Variants in EFCAB5 observed in about 807,000 individuals in gnomAD.
The protein encoded by EFCAB5 is EF-hand calcium-binding domain-containing protein 5.
A neutral mutation model predicts 167.9 loss-of-function variants in EFCAB5; 131 were observed. The observed-to-expected ratio is 0.78, with a 90% CI of 0.68 to 0.90. EFCAB5 has a LOEUF of 0.90. Among genes scored for constraint, EFCAB5 ranks in the 40% least tolerant of loss-of-function variants. The probability of loss-of-function intolerance (pLI) is 0.00; values close to 1 mark genes in which losing one functional copy is unlikely to be tolerated. For missense variants in EFCAB5, 1,663 were observed against 1,745.2 expected (o/e 0.95, Z 0.84); for synonymous variants, 574 against 602.8 (o/e 0.95, Z 0.70).
chr17:29,987,001 T>C (rs138262816), intron 4 of EFCAB5, among the ~76,000 whole-genome samples: 13 of 152,216 alleles, frequency 8.5e-5, no homozygotes, highest in Admixed American at 3.9e-4. Flanking sequence ...AACTGTGCCA[T>C]AGAGTGATTA....
At chr17:29,979,860 T>A (rs1424676214) in intron 4 of EFCAB5, among the ~76,000 whole-genome samples, 1 of 152,134 alleles carries the variant, frequency 6.6e-6, no homozygotes, top group Non-Finnish European at 1.5e-5. Flanking sequence ...AAATGTTAGA[T>A]GAATTAATTA....
intron 4 of EFCAB5, among the ~76,000 whole-genome samples, chr17:29,985,037 T>TG (rs1228694149): frequency 6.6e-6 from 1 of 152,224 alleles, no homozygotes; most frequent in Non-Finnish European, 1.5e-5. Flanking sequence ...CCAACATTGT[T>TG]GGGAAAAAAT....
chr17:29,942,948 T>A (rs2067322785), intron 2 of EFCAB5, among the ~76,000 whole-genome samples: 1 of 151,924 alleles, frequency 6.6e-6, no homozygotes, highest in African/African-American at 2.4e-5. Context: ...CAAGGCAAGA[T>A]AATCACTTTA....
At chr17:30,019,457 T>C (rs533580045) in intron 7 of EFCAB5, among the ~76,000 whole-genome samples, 1 of 151,642 alleles carries the variant, frequency 6.6e-6, no homozygotes, top group Non-Finnish European at 1.5e-5. Flanking sequence ...CTTTTTTTTT[T>C]TTTTTGAGAT....
At chr17:30,024,381 AC>A (rs1464859772) in intron 7 of EFCAB5, among the ~76,000 whole-genome samples, 3 of 152,142 alleles carry the variant, frequency 2.0e-5, no homozygotes, top group Admixed American at 2.0e-4. Flanking sequence ...ATTCTTATAC[AC>A]CAATAACAGA....
chr17:29,979,349 A>G (rs2151603541), intron 4 of EFCAB5, among the ~76,000 whole-genome samples: 1 of 152,226 alleles, frequency 6.6e-6, no homozygotes, highest in South Asian at 2.1e-4. Context: ...TTTCAAAAAA[A>G]AAAGGAAATC....
At chr17:30,065,063 C>T (rs2070526739) in intron 14 of EFCAB5, among the ~76,000 whole-genome samples, 1 of 152,178 alleles carries the variant, frequency 6.6e-6, no homozygotes, top group Non-Finnish European at 1.5e-5. Flanking sequence ...AAGAAATGCT[C>T]AAGGGAGCCC....
chr17:30,036,712 C>T (rs2069640183), intron 8 of EFCAB5, among the ~76,000 whole-genome samples: 1 of 152,162 alleles, frequency 6.6e-6, no homozygotes, highest in African/African-American at 2.4e-5. Flanking sequence ...CAGGCGTGAG[C>T]CACCACATCC....
chr17:30,081,000 C>A lies in EFCAB5; in HGVS notation c.3426+19C>A. 1 of 1,588,122 alleles carries A rather than the reference C, an allele frequency of 6.3e-7. No homozygotes were observed. The highest frequency in any genetic ancestry group is 8.6e-7 in the Non-Finnish European group (1 of 1,160,474). On this transcript the variant is annotated intron_variant, in intron 17 of 22. Coordinates refer to ENST00000394835, the MANE Select transcript of EFCAB5 (RefSeq NM_198529.4). ...CTATCAGGTAAGTCATAGAAGTCTT[C>A]AAGAGCGATGGTAGGATGGCCTCTC...
chr17:30,053,703 A>G lies in EFCAB5; in HGVS notation c.1749A>G (p.Ile583Met). 2 of 1,614,012 alleles carry G rather than the reference A, an allele frequency of 1.2e-6. No homozygotes were observed. Among genetic ancestry groups the G allele is most frequent in the Non-Finnish European group, 1.7e-6 (2 of 1,179,872 alleles). ...AACAAGGACAGCACAAAGGGTCAAT[A>G]GAAGGACAAGGACCACGCAGAGTGT... ...TTEQGQHKGS[I>M]EGQGPRRVSV... Residue 583 changes from isoleucine to methionine, a missense_variant, in exon 10 of 23, where the codon ATA (isoleucine) becomes ATG (methionine). Physicochemically the swap from Ile to Met is conservative, Grantham distance 10. Coordinates refer to ENST00000394835, the MANE Select transcript of EFCAB5 (RefSeq NM_198529.4).
chr17:30,034,131 C>A, intron 7 of EFCAB5, 99 bp from the exon 8 acceptor site: 1 of 1,366,252 alleles, frequency 7.3e-7, no homozygotes, highest in Non-Finnish European at 9.9e-7. Flanking sequence ...AAACATTTTA[C>A]AGCCAATGTA....
At chr17:30,027,284 C>T (rs2069353456) in intron 7 of EFCAB5, among the ~76,000 whole-genome samples, 1 of 148,090 alleles carries the variant, frequency 6.8e-6, no homozygotes, top group South Asian at 2.1e-4. Context: ...CATGCCCAGC[C>T]ACACCAGTCT....
intron 22 of EFCAB5, among the ~76,000 whole-genome samples, chr17:30,102,044 C>T (rs895778863): frequency 2.0e-5 from 3 of 152,156 alleles, no homozygotes; most frequent in Admixed American, 6.5e-5. Flanking sequence ...GGATCTACCA[C>T]ACCAAGGGAG....
At chr17:30,082,189 G>C (rs115139127) in intron 17 of EFCAB5, among the ~76,000 whole-genome samples, 146 of 152,252 alleles carry the variant, frequency 9.6e-4, no homozygotes, top group African/African-American at 3.4e-3. Flanking sequence ...ACAGATGCAG[G>C]CATTAACATT....
intron 3 of EFCAB5, among the ~76,000 whole-genome samples, chr17:29,965,656 A>G (rs2067814477): frequency 6.6e-6 from 1 of 152,130 alleles, no homozygotes; most frequent in South Asian, 2.1e-4. Flanking sequence ...TGTTTTTTCC[A>G]TGAAATTGTT....
chr17:30,096,304 G>C (rs2071285747), intron 22 of EFCAB5, among the ~76,000 whole-genome samples: 1 of 152,162 alleles, frequency 6.6e-6, no homozygotes, highest in South Asian at 2.1e-4. Context: ...TAGTTATTAA[G>C]AGGAACAACT....
intron 14 of EFCAB5, among the ~76,000 whole-genome samples, chr17:30,077,888 A>T (rs1417825160): frequency 6.6e-6 from 1 of 152,244 alleles, no homozygotes; most frequent in Non-Finnish European, 1.5e-5. Flanking sequence ...CACACTGCCA[A>T]AGAGTAACAG....
upstream of EFCAB5, among the ~76,000 whole-genome samples, chr17:29,940,238 G>C (rs2067280471): frequency 6.6e-6 from 1 of 152,130 alleles, no homozygotes; most frequent in African/African-American, 2.4e-5. Context: ...AACACACCCA[G>C]CTACTTTTTT....
At chr17:29,963,422 G>A (rs552416209) in intron 3 of EFCAB5, among the ~76,000 whole-genome samples, 22 of 152,224 alleles carry the variant, frequency 1.4e-4, no homozygotes, top group African/African-American at 5.1e-4. Context: ...ATGTTGAAAA[G>A]GCTTTTACTA....
Sources: gnomAD v4.1 joint callset for allele counts (sites outside exome capture counted in the v4.1 genomes callset) on GRCh38, gnomAD v4.1.1 for gene constraint, MANE v1.5 for transcripts, NCBI Gene and HGNC (gene_info 2026-07-23, HGNC 2026-07-21) for gene names.